Variants in RASA3 observed in about 807,000 individuals in gnomAD.
RASA3 encodes the protein RAS p21 protein activator 3.
In RASA3, 73 loss-of-function variants were observed where a neutral mutation model predicts 110.0. The ratio of observed to expected loss-of-function variants is 0.66; its 90% CI spans 0.55 to 0.81. The LOEUF (loss-of-function observed/expected upper bound fraction) is 0.81, where lower values mean the gene tolerates loss of function less well. Ranked by LOEUF, RASA3 falls within the 30% of genes least tolerant of loss-of-function variation. The pLI, the probability that RASA3 is intolerant of heterozygous loss-of-function variation, is 0.00. For missense variants in RASA3, 976 were observed against 1,113.2 expected (o/e 0.88, Z 1.75); for synonymous variants, 500 against 451.4 (o/e 1.11, Z -1.37).
At chr13:114,027,126 G>A (rs927855782) in intron 7 of RASA3, among the ~76,000 whole-genome samples, 16 of 152,206 alleles carry the variant, frequency 1.1e-4, no homozygotes, top group African/African-American at 3.9e-4. Context: ...TTTCTCTCTT[G>A]GGAGAGGAGG....
At chr13:113,998,919 G>A (rs548055915) in intron 20 of RASA3, among the ~76,000 whole-genome samples, 32 of 152,344 alleles carry the variant, frequency 2.1e-4, no homozygotes, top group Admixed American at 1.2e-3. Flanking sequence ...GAATGTGGTC[G>A]CGCCGGCGAC....
intron 2 of RASA3, among the ~76,000 whole-genome samples, chr13:114,073,251 G>A (rs1389533128): frequency 6.5e-5 from 9 of 137,960 alleles, no homozygotes; most frequent in African/African-American, 1.6e-4. Flanking sequence ...TTCCCTACAC[G>A]CGGGAAAACG....
At chr13:114,035,449 G>A (rs750905635) in intron 4 of RASA3, among the ~76,000 whole-genome samples, 2 of 152,202 alleles carry the variant, frequency 1.3e-5, no homozygotes, top group African/African-American at 2.4e-5. Flanking sequence ...GGCTGCTGAG[G>A]GGTGTATGGA....
chr13:114,009,315 T>C lies in RASA3; in HGVS notation c.1668+72A>G, dbSNP rs907985046. The C allele has an allele frequency of 8.0e-6, 10 of 1,247,018 alleles. No individual in the cohort carries two copies. The South Asian group carries it at 1.1e-4, about 14-fold the overall frequency. 77.2% of individuals were successfully genotyped at this position (1,247,018 alleles called of 1,614,324 possible). ...CCAAGTCTGTGTCATGTGGGTTCTA[T>C]CTCAATTTTAAAAGAGAACTCCGTC... On this transcript the variant is annotated intron_variant, in intron 17 of 23. Coordinates refer to ENST00000334062, the MANE Select transcript of RASA3 (RefSeq NM_007368.4).
At chr13:114,083,463 C>T (rs949294506) in intron 1 of RASA3, among the ~76,000 whole-genome samples, 8 of 152,270 alleles carry the variant, frequency 5.3e-5, no homozygotes, top group Non-Finnish European at 1.2e-4. Context: ...CCCAGCCAGA[C>T]AGCCTGGAGC....
At chr13:113,981,404 G>A (rs533889753) in intron 23 of RASA3, among the ~76,000 whole-genome samples, 67 of 152,344 alleles carry the variant, frequency 4.4e-4, no homozygotes, top group Middle Eastern at 3.4e-3. Context: ...TAGCAGAGAG[G>A]CTGGGAGGAA....
At chr13:114,047,984 CAT>C (rs2079080683) in intron 3 of RASA3, among the ~76,000 whole-genome samples, 1 of 152,206 alleles carries the variant, frequency 6.6e-6, no homozygotes, top group South Asian at 2.1e-4. Context: ...TGAACTTTAC[CAT>C]ATGTCAGTTG....
intron 4 of RASA3, among the ~76,000 whole-genome samples, chr13:114,036,615 G>A (rs1261994655): frequency 6.6e-6 from 1 of 152,160 alleles, no homozygotes; most frequent in Non-Finnish European, 1.5e-5. Flanking sequence ...TCAGCTCACA[G>A]CAACCTCCGC....
In RASA3 at chr13:114,017,535, G is replaced by A. The variant is rs973209587; in HGVS notation, c.1092-184C>T. Among the ~76,000 whole-genome samples, 12 of 152,224 alleles carry A rather than the reference G, an allele frequency of 7.9e-5. No individual in the cohort carries two copies. The East Asian group carries it at 1.9e-3, about 24-fold the overall frequency. ...GCTTGGAGGCCCTGGCCATGGAACCGTCCTGTGTCAACACTGCCAGAGGGA... is the reference window on the plus strand; with the variant it reads ...GCTTGGAGGCCCTGGCCATGGAACCATCCTGTGTCAACACTGCCAGAGGGA... On this transcript the variant is annotated intron_variant, in intron 11 of 23. Coordinates refer to ENST00000334062, the MANE Select transcript of RASA3 (RefSeq NM_007368.4).
At chr13:114,073,636 A>T in intron 2 of RASA3, 84 bp downstream of exon 2, 4 of 1,123,558 alleles carry the variant, frequency 3.6e-6, no homozygotes, top group Non-Finnish European at 5.4e-6. Context: ...ACATGGGAAA[A>T]TGGGAAGGTG....
At chr13:114,021,915 CGCTCTGTGCCAGGAGGGAGCCAGGAGTT>C (rs1415979031) in intron 8 of RASA3, among the ~76,000 whole-genome samples, 2 of 151,938 alleles carry the variant, frequency 1.3e-5, no homozygotes, top group Non-Finnish European at 2.9e-5. Context: ...AGCCAGGCGT[CGCTCTGTGCCAGGAGGGAGCCAGGAGTT>C]GCTGTGTGCA....
At chr13:114,106,003 T>C (rs1208116809) in intron 1 of RASA3, among the ~76,000 whole-genome samples, 2 of 152,134 alleles carry the variant, frequency 1.3e-5, no homozygotes, top group Non-Finnish European at 2.9e-5. Flanking sequence ...GCCATTCCTC[T>C]GGGGCCACGG....
chr13:114,125,275 C>G (rs1056152055), intron 1 of RASA3, among the ~76,000 whole-genome samples: 1 of 152,126 alleles, frequency 6.6e-6, no homozygotes, highest in Non-Finnish European at 1.5e-5. Flanking sequence ...TAAAGAAACA[C>G]CTGAGACTGG....
At chr13:114,036,806 G>A (rs1369996847) in intron 4 of RASA3, among the ~76,000 whole-genome samples, 1 of 152,154 alleles carries the variant, frequency 6.6e-6, no homozygotes, top group Non-Finnish European at 1.5e-5. Context: ...CAAAGTGCTG[G>A]AATTACAAGC....
In RASA3 at chr13:113,996,707, C is replaced by T. The variant is rs143664399; in HGVS notation, c.1965G>A (p.Leu655=). The part of the protein sequence containing the change: ...MFQVIQPERA[L]YIQANNCVEA... The stretch of plus-strand genomic sequence containing the variant: ...CCACGCAGTTGTTGGCCTGGATGTA[C>T]AGCGCACGCTCTGGCTGGATGACCT... The change falls in exon 21 of 24, where the codon CTG becomes CTA. Residue 655 remains leucine, a synonymous_variant. Coordinates refer to ENST00000334062, the MANE Select transcript of RASA3 (RefSeq NM_007368.4). The T allele has an allele frequency of 2.5e-6, 4 of 1,613,678 alleles. No individual in the cohort carries two copies. The African/African-American group carries it at 4.0e-5, about 16-fold the overall frequency.
At chr13:114,036,675 T>C (rs1030693608) in intron 4 of RASA3, among the ~76,000 whole-genome samples, 1 of 152,290 alleles carries the variant, frequency 6.6e-6, no homozygotes, top group Middle Eastern at 3.4e-3. Context: ...GTAGCTGGGA[T>C]TACAGGCATG....
At chr13:114,030,693 T>G (rs974099967) in intron 4 of RASA3, among the ~76,000 whole-genome samples, 5 of 152,208 alleles carry the variant, frequency 3.3e-5, no homozygotes, top group African/African-American at 1.2e-4. Flanking sequence ...TGTGGGTGTG[T>G]GTCCACCTGT....
rs369665870 is a variant in RASA3 at position 114,029,335 on chromosome 13, A to G, written c.449+476T>C. Among the ~76,000 whole-genome samples the G allele has an allele frequency of 8.1e-4, 10 of 12,400 alleles. No homozygotes were observed. The African/African-American group carries it at 8.7e-3, about 11-fold the overall frequency. 8.1% of individuals were successfully genotyped at this position (12,400 alleles called of 152,430 possible). On this transcript the variant is annotated intron_variant, in intron 5 of 23. Transcript: ENST00000334062. The stretch of plus-strand genomic sequence containing the variant: ...TGGGGGCCAGGACCTCTAAAACGGC[A>G]TCATCCTGGGGCCAGGACCTCTAAA...
At chr13:114,126,264 C>T (rs1274023419) in intron 1 of RASA3, among the ~76,000 whole-genome samples, 1 of 152,232 alleles carries the variant, frequency 6.6e-6, no homozygotes, top group Admixed American at 6.5e-5. Context: ...CACCACATCC[C>T]CACGGGACCC....
Sources: allele counts gnomAD v4.1 joint callset (sites outside exome capture counted in the v4.1 genomes callset), GRCh38; gene constraint gnomAD v4.1.1; transcripts MANE v1.5; gene names NCBI Gene and HGNC (gene_info 2026-07-23, HGNC 2026-07-21).